Variants in RBFOX1 observed in about 807,000 individuals in gnomAD.
The protein encoded by RBFOX1 is RNA binding protein fox-1 homolog 1.
RBFOX1 carries 8 observed loss-of-function variants against 57.7 expected under a neutral mutation model. The observed-to-expected ratio is 0.14, with a 90% CI of 0.08 to 0.25. The LOEUF (loss-of-function observed/expected upper bound fraction) is 0.25, where lower values mean the gene tolerates loss of function less well. Ranked by LOEUF, RBFOX1 falls within the 10% of genes least tolerant of loss-of-function variation. RBFOX1 has a pLI of 1.00. For missense variants in RBFOX1, 611 were observed against 548.5 expected, an observed-to-expected ratio of 1.11 and a Z score of -1.14; for synonymous variants, 326 against 222.4, an observed-to-expected ratio of 1.47 and a Z score of -4.15.
chr16:5,651,500 C>G (rs1596592589), intron 3 of RBFOX1, among the ~76,000 whole-genome samples: 1 of 152,166 alleles, frequency 6.6e-6, no homozygotes, highest in African/African-American at 2.4e-5. Context: ...GACCAAAGCA[C>G]AGGTTGCCTT....
intron 1 of RBFOX1, among the ~76,000 whole-genome samples, chr16:5,454,731 C>CTCTCTTTCTTTCTTTTTCT (rs2068526190): frequency 2.9e-5 from 1 of 34,644 alleles, no homozygotes; most frequent in Non-Finnish European, 6.2e-5. Context: ...AAATCTCTCT[C>CTCTCTTTCTTTCTTTTTCT]TTTCTTTCTT....
intron 3 of RBFOX1, among the ~76,000 whole-genome samples, chr16:5,615,086 A>G (rs1731512395): frequency 6.6e-6 from 1 of 152,180 alleles, no homozygotes; most frequent in Admixed American, 6.5e-5. Context: ...CCAGGCTGGC[A>G]TGCAGTGGTG....
At chr16:7,640,170 T>G (rs1048562384) in intron 11 of RBFOX1, among the ~76,000 whole-genome samples, 2 of 152,234 alleles carry the variant, frequency 1.3e-5, no homozygotes, top group African/African-American at 4.8e-5. Flanking sequence ...TCTTCATCCG[T>G]GTGTTGTTTC....
At chr16:7,505,138 T>G (rs192932759) in intron 4 of RBFOX1, among the ~76,000 whole-genome samples, 300 of 151,844 alleles carry the variant, frequency 2.0e-3, no homozygotes, top group African/African-American at 6.9e-3. Context: ...GATTCATTTT[T>G]TATTCAACAA....
At chr16:7,298,655 C>G (rs1271588737) in intron 4 of RBFOX1, among the ~76,000 whole-genome samples, 7 of 152,094 alleles carry the variant, frequency 4.6e-5, no homozygotes, top group Admixed American at 4.6e-4. Flanking sequence ...GACTCAAAGC[C>G]AACAGTGGAT....
At chr16:5,583,497 TTGTC>T (rs2046740263) in intron 2 of RBFOX1, among the ~76,000 whole-genome samples, 1 of 152,204 alleles carries the variant, frequency 6.6e-6, no homozygotes, top group Non-Finnish European at 1.5e-5. Context: ...TTACTTTTTT[TTGTC>T]TGTAAATTTG....
At chr16:6,315,951 A>G (rs1489371165) in intron 1 of RBFOX1, among the ~76,000 whole-genome samples, 2 of 152,232 alleles carry the variant, frequency 1.3e-5, no homozygotes, top group Non-Finnish European at 2.9e-5. Context: ...ATATCTAGAT[A>G]TACCTATCAC....
intron 1 of RBFOX1, among the ~76,000 whole-genome samples, chr16:6,063,852 G>T (rs979404178): frequency 6.6e-6 from 1 of 152,052 alleles, no homozygotes; most frequent in African/African-American, 2.4e-5. Context: ...TTGTCCTTAA[G>T]TTGTCTGTCT....
chr16:6,415,406 A>G (rs1276322308), intron 2 of RBFOX1, among the ~76,000 whole-genome samples: 1 of 151,614 alleles, frequency 6.6e-6, no homozygotes, highest in Non-Finnish European at 1.5e-5. Flanking sequence ...TTAAAACTGG[A>G]GAGTCTGGGC....
chr16:5,642,510 A>T (rs1184323875), intron 3 of RBFOX1, among the ~76,000 whole-genome samples: 1 of 152,212 alleles, frequency 6.6e-6, no homozygotes, highest in Non-Finnish European at 1.5e-5. Flanking sequence ...TAAATGCTGC[A>T]ATCTGAGGCT....
intron 2 of RBFOX1, among the ~76,000 whole-genome samples, chr16:6,503,382 G>T (rs551172999): frequency 6.6e-6 from 1 of 152,216 alleles, no homozygotes; most frequent in East Asian, 1.9e-4. Context: ...GTTAGCTTTT[G>T]CTGGTAACAA....
chr16:7,705,120 A>C (rs1464834876), intron 14 of RBFOX1, among the ~76,000 whole-genome samples: 1 of 151,608 alleles, frequency 6.6e-6, no homozygotes. Context: ...GGGACATTTG[A>C]TTTGAAACAT....
chr16:7,329,332 T>A (rs560082303), intron 4 of RBFOX1, among the ~76,000 whole-genome samples: 2 of 152,308 alleles, frequency 1.3e-5, no homozygotes, highest in East Asian at 3.9e-4. Context: ...CTATTTAAAG[T>A]TCCTGCATTA....
chr16:5,486,701 A>G (rs1397698658), intron 2 of RBFOX1, among the ~76,000 whole-genome samples: 1 of 152,036 alleles, frequency 6.6e-6, no homozygotes, highest in Non-Finnish European at 1.5e-5. Flanking sequence ...GTCTACTTGA[A>G]TCACCCCTGG....
chr16:7,273,200 C>CCTTCCCTT, intron 4 of RBFOX1, among the ~76,000 whole-genome samples: 1 of 53,344 alleles, frequency 1.9e-5, no homozygotes, highest in Non-Finnish European at 3.6e-5. Flanking sequence ...CTTCCTTCCT[C>CCTTCCCTT]CCTCCCTTCC....
At chr16:5,723,682 T>C (rs1214132065) in intron 3 of RBFOX1, among the ~76,000 whole-genome samples, 1 of 152,160 alleles carries the variant, frequency 6.6e-6, no homozygotes, top group African/African-American at 2.4e-5. Flanking sequence ...CACAGGAATC[T>C]GTGGATTAAA....
At chr16:6,169,789 G>A (rs192735028) in intron 1 of RBFOX1, among the ~76,000 whole-genome samples, 55 of 152,200 alleles carry the variant, frequency 3.6e-4, no homozygotes, top group African/African-American at 1.3e-3. Flanking sequence ...TATTTAGGTG[G>A]AGTCTCCCTC....
chr16:5,391,568 G>A (rs117636056), intron 1 of RBFOX1, among the ~76,000 whole-genome samples: 93 of 152,210 alleles, frequency 6.1e-4, no homozygotes, highest in Non-Finnish European at 1.1e-3. Flanking sequence ...CTGTGTGCCA[G>A]TTCTGGAAGC....
intron 4 of RBFOX1, among the ~76,000 whole-genome samples, chr16:7,405,909 C>T (rs2098332209): frequency 6.6e-6 from 1 of 152,132 alleles, no homozygotes; most frequent in Non-Finnish European, 1.5e-5. Context: ...TGCATTTGGC[C>T]ATGTCCAGAG....
Sources: allele counts gnomAD v4.1 joint callset (sites outside exome capture counted in the v4.1 genomes callset), GRCh38; gene constraint gnomAD v4.1.1; transcripts MANE v1.5; gene names NCBI Gene and HGNC (gene_info 2026-07-23, HGNC 2026-07-21).